RFX7: variants seen among roughly 807,000 people sequenced by gnomAD.
RFX7 encodes regulatory factor X7, also known as DNA-binding protein RFX7.
In RFX7, 26 loss-of-function variants were observed where a neutral mutation model predicts 111.8. That is an observed-to-expected ratio of 0.23 (90% CI 0.17 to 0.32). The LOEUF (loss-of-function observed/expected upper bound fraction) is 0.32, where lower values mean the gene tolerates loss of function less well. RFX7 is among the 10% of genes least tolerant of loss of function. The pLI is 1.00. For missense variants in RFX7, 1,573 were observed against 1,772.9 expected (o/e 0.89, Z 2.02); for synonymous variants, 624 against 624.4 (o/e 1.00, Z 0.01).
chr15:56,177,675 T>C (rs2042916909), intron 3 of RFX7, among the ~76,000 whole-genome samples: 1 of 152,154 alleles, frequency 6.6e-6, no homozygotes, highest in East Asian at 1.9e-4. Context: ...AAGTGAGTGA[T>C]CCTCCAAAGT....
intron 3 of RFX7, among the ~76,000 whole-genome samples, chr15:56,150,297 G>A (rs1042590685): frequency 4.6e-5 from 7 of 152,270 alleles, no homozygotes; most frequent in Admixed American, 3.9e-4. Flanking sequence ...CCAGTGCAGC[G>A]TTCCAGCTCT....
chr15:56,234,694 C>G (rs1423221460), intron 2 of RFX7, among the ~76,000 whole-genome samples: 5 of 152,086 alleles, frequency 3.3e-5, no homozygotes, highest in Non-Finnish European at 7.4e-5. Flanking sequence ...AAATTTCATG[C>G]TTACTGCAAA....
chr15:56,143,296 T>C (rs1186677813), intron 4 of RFX7, among the ~76,000 whole-genome samples: 6 of 151,814 alleles, frequency 4.0e-5, no homozygotes, highest in African/African-American at 7.3e-5. Flanking sequence ...TCATATAATA[T>C]ATATATATAC....
chr15:56,112,379 C>CAAAAAAAAAAAAAAAAAAAAAAAAAAAA (rs71110374), intron 5 of RFX7, among the ~76,000 whole-genome samples: 2 of 71,764 alleles, frequency 2.8e-5, no homozygotes, highest in South Asian at 6.4e-4. Context: ...GAGTACAAAT[C>CAAAAAAAAAAAAAAAAAAAAAAAAAAAA]AAAAAAAAAA....
intron 5 of RFX7, among the ~76,000 whole-genome samples, chr15:56,115,200 C>G (rs189806667): frequency 9.9e-5 from 15 of 152,150 alleles, no homozygotes; most frequent in Admixed American, 9.8e-4. Flanking sequence ...TTACTAGAGA[C>G]AGGGATTTGC....
chr15:56,217,759 T>C (rs550796902), intron 2 of RFX7, among the ~76,000 whole-genome samples: 12 of 152,350 alleles, frequency 7.9e-5, no homozygotes, highest in African/African-American at 2.6e-4. Flanking sequence ...TTTAATGATA[T>C]GCATAGCTGT....
chr15:56,189,163 A>G (rs1191518352), intron 2 of RFX7, among the ~76,000 whole-genome samples: 1 of 152,110 alleles, frequency 6.6e-6, no homozygotes, highest in African/African-American at 2.4e-5. Flanking sequence ...AAGGCGGAAA[A>G]ATTGCTTGAG....
chr15:56,101,358 C>T lies in RFX7; in HGVS notation c.811+1G>A. The T allele has an allele frequency of 6.3e-7, 1 of 1,579,316 alleles. No homozygotes were observed. The highest frequency in any genetic ancestry group is 8.6e-7 in the Non-Finnish European group (1 of 1,161,578). On this transcript the variant is annotated splice_donor_variant, in intron 8 of 9. Coordinates refer to ENST00000559447, the MANE Select transcript of RFX7 (RefSeq NM_022841.7). LOFTEE classifies it high-confidence loss of function. ...TTAGCTTGTTCACAGTAATGTTGTA[C>T]CTGCTGGTGCTGCTGCCATTACAGT...
chr15:56,145,641 C>T (rs2042458116), intron 3 of RFX7, among the ~76,000 whole-genome samples: 1 of 152,192 alleles, frequency 6.6e-6, no homozygotes, highest in African/African-American at 2.4e-5. Flanking sequence ...TTAATTGCTA[C>T]TTATCATCAC....
intron 5 of RFX7, among the ~76,000 whole-genome samples, chr15:56,123,401 C>T (rs189455836): frequency 4.7e-4 from 72 of 152,232 alleles, no homozygotes; most frequent in Non-Finnish European, 9.1e-4. Flanking sequence ...AGACTCTGCC[C>T]GGTACCCTAT....
At chr15:56,132,367 G>A (rs1254577251) in intron 5 of RFX7, among the ~76,000 whole-genome samples, 1 of 151,954 alleles carries the variant, frequency 6.6e-6, no homozygotes, top group African/African-American at 2.4e-5. Context: ...AGTATTACCA[G>A]AAGAACAGAG....
chr15:56,095,351 A>G lies in RFX7; in HGVS notation c.2377T>C (p.Ser793Pro). ...TCTTGCTGTTGTTCACAACTGGCAG[A>G]TATAAACTCAGAATCTTTAGTGATT... ...QQITKDSEFI[S>P]ASCEQQQDIS... Residue 793 changes from serine (S) to proline (P), a missense_variant, in exon 10 of 10, where the codon TCT becomes CCT. Ser to Pro is a moderately conservative substitution (Grantham distance 74). Around this residue, in one of 7 missense-constraint regions of RFX7, gnomAD observed 625 missense variants for 632.2 expected, o/e 0.99. Coordinates refer to ENST00000559447, the MANE Select transcript of RFX7 (RefSeq NM_022841.7). The G allele has an allele frequency of 6.2e-7, 1 of 1,613,902 alleles. No homozygotes were observed. Among genetic ancestry groups the G allele is most frequent in the Non-Finnish European group, 8.5e-7 (1 of 1,179,868 alleles).
At chr15:56,154,586 A>G (rs2042623749) in intron 3 of RFX7, among the ~76,000 whole-genome samples, 1 of 152,228 alleles carries the variant, frequency 6.6e-6, no homozygotes, top group Admixed American at 6.5e-5. Flanking sequence ...ATATGTAGAA[A>G]GCTGAAACTG....
At chr15:56,106,213 T>C (rs1595927451) in intron 5 of RFX7, among the ~76,000 whole-genome samples, 1 of 152,356 alleles carries the variant, frequency 6.6e-6, no homozygotes, top group East Asian at 1.9e-4. Context: ...CAATACAATT[T>C]ATATTGTGTG....
At chr15:56,196,430 C>A (rs541139922) in intron 2 of RFX7, among the ~76,000 whole-genome samples, 2 of 151,884 alleles carry the variant, frequency 1.3e-5, no homozygotes, top group African/African-American at 2.4e-5. Flanking sequence ...TGAAGTTCTG[C>A]GGCATGTATC....
chr15:56,181,932 T>G (rs2042977961), intron 2 of RFX7, among the ~76,000 whole-genome samples: 1 of 152,150 alleles, frequency 6.6e-6, no homozygotes, highest in Non-Finnish European at 1.5e-5. Flanking sequence ...AGTGGCAACA[T>G]TAGATTCTCA....
chr15:56,111,104 G>A (rs1232880682), intron 5 of RFX7, among the ~76,000 whole-genome samples: 2 of 134,844 alleles, frequency 1.5e-5, no homozygotes, highest in East Asian at 2.5e-4. Flanking sequence ...CTACTGGGAA[G>A]TGAGGAGCCC....
Position 56,090,269 on chromosome 15 carries a change from C to T in RFX7, c.*3076G>A, listed in dbSNP as rs534899112. The T allele has an allele frequency of 6.6e-6, 1 of 152,250 alleles. No homozygotes were observed. Among genetic ancestry groups the T allele is most frequent in the Admixed American group, 6.5e-5 (1 of 15,284 alleles). The allele number at this position is 152,250 out of a possible 1,614,324, so 9.4% of individuals were successfully genotyped here. A position where few individuals can be genotyped will look rare whatever the true frequency, so the allele number is the denominator to read the frequency against. ...CACTATGTGAAAGAGAAAAAGATGG[C>T]TTTTTGGACAACATAAAGTTCTATG... On this transcript the variant is annotated 3_prime_UTR_variant, in exon 10 of 10. Transcript: ENST00000559447.
chr15:56,139,128 C>A (rs1298011893), intron 5 of RFX7, among the ~76,000 whole-genome samples: 4 of 151,862 alleles, frequency 2.6e-5, no homozygotes, highest in Admixed American at 6.6e-5. Flanking sequence ...ATCTTTATGG[C>A]GTTCTCTGTA....
Sources: allele counts gnomAD v4.1 joint callset (sites outside exome capture counted in the v4.1 genomes callset), GRCh38; gene constraint gnomAD v4.1.1; regional missense constraint gnomAD v4.1.1; transcripts MANE v1.5; gene names NCBI Gene and HGNC (gene_info 2026-07-23, HGNC 2026-07-21).